The following RALGPS1 variants were observed in gnomAD, a reference collection of about 807,000 sequenced individuals.
The protein encoded by RALGPS1 is ras-specific guanine nucleotide-releasing factor RalGPS1.
A neutral mutation model predicts 78.8 loss-of-function variants in RALGPS1; 19 were observed. The ratio of observed to expected loss-of-function variants is 0.24; its 90% CI spans 0.17 to 0.35. RALGPS1 has a LOEUF of 0.35. Among genes scored for constraint, RALGPS1 ranks in the 10% least tolerant of loss-of-function variants. The pLI is 1.00. For missense variants in RALGPS1, 454 were observed against 688.3 expected (o/e 0.66, Z 3.81); for synonymous variants, 228 against 256.3 (o/e 0.89, Z 1.06).
chr9:127,213,093 C>A, intron 17 of RALGPS1, 44 bp downstream of exon 17: 1 of 1,612,814 alleles, frequency 6.2e-7, no homozygotes, highest in South Asian at 1.1e-5. Flanking sequence ...GCTCTCTGCC[C>A]ATTTCCTCTC....
chr9:127,147,831 TATC>T (rs1170221261), intron 8 of RALGPS1, among the ~76,000 whole-genome samples: 2 of 152,220 alleles, frequency 1.3e-5, no homozygotes, highest in East Asian at 3.9e-4. Context: ...GTGGTGGTGT[TATC>T]ATTATCATTA....
At chr9:126,964,411 C>A (rs1224111392) in intron 2 of RALGPS1, among the ~76,000 whole-genome samples, 2 of 151,110 alleles carry the variant, frequency 1.3e-5, no homozygotes, top group African/African-American at 2.4e-5. Context: ...TCACCCGAGT[C>A]CCCTTGAATC....
chr9:127,156,014 C>T (rs577005730), intron 8 of RALGPS1, among the ~76,000 whole-genome samples: 24 of 151,894 alleles, frequency 1.6e-4, no homozygotes, highest in African/African-American at 5.8e-4. Context: ...AGATGGCTAT[C>T]GATAACAGAT....
intron 8 of RALGPS1, among the ~76,000 whole-genome samples, chr9:127,125,492 A>T (rs551730954): frequency 6.6e-6 from 1 of 151,914 alleles, no homozygotes; most frequent in African/African-American, 2.4e-5. Flanking sequence ...GGATGCTACT[A>T]CTCCCAGGGT....
At chr9:126,967,784 C>T (rs761505874) in intron 3 of RALGPS1, among the ~76,000 whole-genome samples, 1 of 151,904 alleles carries the variant, frequency 6.6e-6, no homozygotes, top group African/African-American at 2.4e-5. Context: ...GTGATCCTTC[C>T]ACCTCAGCCT....
intron 4 of RALGPS1, among the ~76,000 whole-genome samples, chr9:126,990,545 C>A (rs529583488): frequency 8.9e-4 from 135 of 152,334 alleles, no homozygotes; most frequent in African/African-American, 3.2e-3. Flanking sequence ...TTTGTGTGCA[C>A]ACCACAGCCT....
intron 4 of RALGPS1, among the ~76,000 whole-genome samples, chr9:127,029,263 C>G (rs999331445): frequency 1.3e-5 from 2 of 152,162 alleles, no homozygotes; most frequent in African/African-American, 4.8e-5. Flanking sequence ...GCCTTACTCC[C>G]CAGTCAGACC....
In RALGPS1 at chr9:127,219,918, C is replaced by T. The variant is rs1431042695; in HGVS notation, c.*1149C>T. 1 of 152,642 alleles carries T rather than the reference C, an allele frequency of 6.6e-6. No homozygotes were observed. The highest frequency in any genetic ancestry group is 2.4e-5 in the African/African-American group (1 of 41,456). 9.5% of individuals were successfully genotyped at this position (152,642 alleles called of 1,614,324 possible). On this transcript the variant is annotated 3_prime_UTR_variant, in exon 19 of 19. Transcript: ENST00000259351. This position sits in a 1 kb window ranked among gnomAD's most constrained non-coding sequence, Gnocchi z 5.0. ...CCAGCAAGTTTTCCATTTTCCAAGT[C>T]CAAGGGCACAATTGTTGATGACCGT...
At chr9:127,193,520 C>T (rs1017274155) in intron 11 of RALGPS1, among the ~76,000 whole-genome samples, 4 of 152,124 alleles carry the variant, frequency 2.6e-5, no homozygotes, top group African/African-American at 7.2e-5. Flanking sequence ...CACAGGAGCT[C>T]AGAACTGGAG....
At chr9:127,141,616 C>CAAAAAAAAAAAAAAAAAAAAAAAAAGA (rs61291398) in intron 8 of RALGPS1, among the ~76,000 whole-genome samples, 1 of 68,660 alleles carries the variant, frequency 1.5e-5, no homozygotes, top group Non-Finnish European at 2.5e-5. Flanking sequence ...TTTTTAATGG[C>CAAAAAAAAAAAAAAAAAAAAAAAAAGA]AAAAAAAAAA....
At chr9:127,051,575 T>G (rs1254346863) in intron 6 of RALGPS1, among the ~76,000 whole-genome samples, 2 of 152,250 alleles carry the variant, frequency 1.3e-5, no homozygotes, top group Admixed American at 6.5e-5. Context: ...GAGAATCTAT[T>G]CTTACACACA....
chr9:127,060,436 A>T (rs2049106413), intron 7 of RALGPS1, among the ~76,000 whole-genome samples: 1 of 152,228 alleles, frequency 6.6e-6, no homozygotes, highest in Admixed American at 6.5e-5. Context: ...TACAATGAGG[A>T]TTAAATGAGT....
chr9:127,169,011 C>A (rs547398401), intron 10 of RALGPS1, among the ~76,000 whole-genome samples: 11 of 152,358 alleles, frequency 7.2e-5, no homozygotes, highest in African/African-American at 2.6e-4. Context: ...CCCATCTCTG[C>A]CCCATCCTCA....
chr9:127,025,181 A>G (rs1425348558), intron 4 of RALGPS1, among the ~76,000 whole-genome samples: 2 of 152,218 alleles, frequency 1.3e-5, no homozygotes, highest in African/African-American at 2.4e-5. Context: ...TTCACTTAGT[A>G]TAAAACTGTT....
At chr9:127,170,156 G>A (rs1203901303) in intron 10 of RALGPS1, among the ~76,000 whole-genome samples, 1 of 152,158 alleles carries the variant, frequency 6.6e-6, no homozygotes, top group East Asian at 1.9e-4. Flanking sequence ...GTAGAGAACT[G>A]TAGCCACAGA....
chr9:127,198,044 T>A (rs1396608972), intron 13 of RALGPS1, among the ~76,000 whole-genome samples: 1 of 152,218 alleles, frequency 6.6e-6, no homozygotes, highest in Non-Finnish European at 1.5e-5. Context: ...TTGCTATTCC[T>A]GAGATAGAAA....
At chr9:127,027,057 C>T (rs1436931037) in intron 4 of RALGPS1, among the ~76,000 whole-genome samples, 1 of 152,140 alleles carries the variant, frequency 6.6e-6, no homozygotes, top group East Asian at 1.9e-4. Flanking sequence ...TTCTGAGGTC[C>T]CCCAAGGCAG....
At chr9:127,203,607 C>T (rs1276361394) in intron 14 of RALGPS1, among the ~76,000 whole-genome samples, 1 of 152,154 alleles carries the variant, frequency 6.6e-6, no homozygotes, top group Non-Finnish European at 1.5e-5. Flanking sequence ...GCACAGTGCA[C>T]AACCCTCTCT....
At chr9:127,106,664 T>C (rs1010911889) in intron 8 of RALGPS1, among the ~76,000 whole-genome samples, 2 of 152,140 alleles carry the variant, frequency 1.3e-5, no homozygotes, top group African/African-American at 4.8e-5. Flanking sequence ...CCAGGCCAGG[T>C]CTTTCCTTTG....
Sources: allele counts gnomAD v4.1 joint callset (sites outside exome capture counted in the v4.1 genomes callset), GRCh38; gene constraint gnomAD v4.1.1; non-coding constraint Gnocchi (gnomAD v3.1); transcripts MANE v1.5; gene names NCBI Gene and HGNC (gene_info 2026-07-23, HGNC 2026-07-21).